The following NELL1 variants were observed in gnomAD, a reference collection of about 807,000 sequenced individuals.
NELL1 encodes the protein protein kinase C-binding protein NELL1.
NELL1 carries 76 observed loss-of-function variants against 107.4 expected under a neutral mutation model. That is an observed-to-expected ratio of 0.71 (90% confidence interval 0.59 to 0.86). The LOEUF is 0.86. Ranked by LOEUF, NELL1 falls within the 40% of genes least tolerant of loss-of-function variation. The pLI, the probability that NELL1 is intolerant of heterozygous loss-of-function variation, is 0.00. For missense variants in NELL1, 1,024 were observed against 1,005.5 expected, an observed-to-expected ratio of 1.02 and a Z score of -0.25; for synonymous variants, 353 against 341.2, an observed-to-expected ratio of 1.03 and a Z score of -0.38.
chr11:21,376,662 T>C (rs1851488499), intron 15 of NELL1, among the ~76,000 whole-genome samples: 1 of 152,148 alleles, frequency 6.6e-6, no homozygotes, highest in Non-Finnish European at 1.5e-5. Flanking sequence ...TTTAATGATA[T>C]TGATTCTTCC....
chr11:21,356,302 A>G (rs1243840818), intron 14 of NELL1, among the ~76,000 whole-genome samples: 17 of 152,302 alleles, frequency 1.1e-4, no homozygotes, highest in Non-Finnish European at 2.2e-4. Flanking sequence ...TGCACAATAT[A>G]TATTTATTGA....
In NELL1 at chr11:21,569,455, T is replaced by TATGATG. The variant is rs147067365; in HGVS notation, c.1981-1276_1981-1271dup. ...GATAAGTATTAAATACATGGTAGAA[T>TATGATG]ATGATGATGATGATGATGATGATGA... On this transcript the variant is annotated intron_variant, in intron 17 of 19. Transcript: ENST00000357134. 7.4e-3 allele frequency among the ~76,000 whole-genome samples: 1,111 copies of TATGATG among 149,764 alleles called. 9 individuals are homozygous for TATGATG. Among genetic ancestry groups the TATGATG allele is most frequent in the African/African-American group, 0.019 (765 of 40,804 alleles).
chr11:20,862,044 A>T lies in NELL1; in HGVS notation c.506+14291A>T, dbSNP rs185691699. 1.1e-4 allele frequency among the ~76,000 whole-genome samples: 16 copies of T among 152,372 alleles called. 1 individual carries two copies. In the East Asian group the frequency reaches 2.9e-3, roughly 28 times the overall value. The stretch of plus-strand genomic sequence containing the variant: ...AAAGCCGTGCCTGGGATGAGTCAGT[A>T]GCTCAGAAGTGACATGCAGGAGGGA... On this transcript the variant is annotated intron_variant, in intron 4 of 19. Transcript: ENST00000357134.
At chr11:21,221,330 G>A (rs1416108056) in intron 13 of NELL1, among the ~76,000 whole-genome samples, 2 of 152,124 alleles carry the variant, frequency 1.3e-5, no homozygotes, top group Non-Finnish European at 2.9e-5. Flanking sequence ...AGGGATATTG[G>A]CCTTTAATTT....
At chr11:20,717,370 C>T (rs7952174) in intron 2 of NELL1, among the ~76,000 whole-genome samples, 21,169 of 152,114 alleles carry the variant, frequency 0.14, 1,554 homozygotes, top group African/African-American at 0.15. Flanking sequence ...TTTTGGTTGC[C>T]TGAATACTCC....
intron 12 of NELL1, among the ~76,000 whole-genome samples, chr11:21,105,877 CT>C (rs2133714395): frequency 4.3e-5 from 1 of 23,234 alleles, no homozygotes; most frequent in African/African-American, 1.8e-4. Context: ...TCCCCTTCCT[CT>C]CTCCTCTCCT....
At chr11:21,233,036 T>A (rs1276240153) in intron 14 of NELL1, among the ~76,000 whole-genome samples, 1 of 152,214 alleles carries the variant, frequency 6.6e-6, no homozygotes, top group Non-Finnish European at 1.5e-5. Flanking sequence ...TAAATCTGGT[T>A]AGAAGTAAAT....
chr11:20,839,275 G>T (rs1848582836), intron 3 of NELL1, among the ~76,000 whole-genome samples: 2 of 152,150 alleles, frequency 1.3e-5, no homozygotes, highest in South Asian at 4.1e-4. Context: ...ATTTAACAGT[G>T]AGTGTTTTAT....
At chr11:20,906,621 A>G (rs1564960560) in intron 5 of NELL1, among the ~76,000 whole-genome samples, 1 of 152,086 alleles carries the variant, frequency 6.6e-6, no homozygotes, top group Non-Finnish European at 1.5e-5. Context: ...ACTGAATCCA[A>G]CAGTGTATTA....
intron 12 of NELL1, among the ~76,000 whole-genome samples, chr11:20,974,242 GTT>G (rs1480998541): frequency 2.6e-5 from 4 of 152,124 alleles, no homozygotes; most frequent in African/African-American, 9.7e-5. Flanking sequence ...TGTTTGATAA[GTT>G]TTTCTTGCTA....
At chr11:20,764,429 C>T (rs1856488522) in intron 2 of NELL1, among the ~76,000 whole-genome samples, 1 of 152,070 alleles carries the variant, frequency 6.6e-6, no homozygotes, top group Non-Finnish European at 1.5e-5. Context: ...CTGGGAGCTA[C>T]ACCAACATGC....
At chr11:20,776,662 A>T (rs1304946465) in intron 2 of NELL1, among the ~76,000 whole-genome samples, 2 of 152,070 alleles carry the variant, frequency 1.3e-5, no homozygotes, top group Non-Finnish European at 2.9e-5. Context: ...GGGAGAGAAG[A>T]CAGGTTGCTG....
At chr11:21,405,402 T>C (rs1852211708) in intron 15 of NELL1, among the ~76,000 whole-genome samples, 1 of 132,094 alleles carries the variant, frequency 7.6e-6, no homozygotes, top group Non-Finnish European at 1.7e-5. Flanking sequence ...TCCAATTTTT[T>C]CTGTTGTGTT....
intron 12 of NELL1, among the ~76,000 whole-genome samples, chr11:21,105,556 C>T (rs948564551): frequency 2.6e-5 from 4 of 152,098 alleles, no homozygotes; most frequent in African/African-American, 7.2e-5. Flanking sequence ...GCCTAGGGCC[C>T]GGATAGCCTT....
At chr11:21,325,025 TCTGA>T (rs1376256214) in intron 14 of NELL1, among the ~76,000 whole-genome samples, 3 of 152,246 alleles carry the variant, frequency 2.0e-5, no homozygotes, top group African/African-American at 7.2e-5. Flanking sequence ...GCAAGTTGAC[TCTGA>T]CTTTCTCCTT....
chr11:21,050,979 A>G (rs1220624532), intron 12 of NELL1, among the ~76,000 whole-genome samples: 1 of 152,168 alleles, frequency 6.6e-6, no homozygotes. Context: ...CAGGAGCCTC[A>G]TATAGACACC....
intron 15 of NELL1, among the ~76,000 whole-genome samples, chr11:21,533,597 C>T (rs1174278426): frequency 6.6e-6 from 1 of 152,158 alleles, no homozygotes; most frequent in East Asian, 1.9e-4. Context: ...AAAATCTATA[C>T]ATGAACCGGG....
intron 12 of NELL1, among the ~76,000 whole-genome samples, chr11:21,109,120 G>T (rs1019625191): frequency 6.6e-6 from 1 of 152,004 alleles, no homozygotes; most frequent in Non-Finnish European, 1.5e-5. Flanking sequence ...CCTCAGTTTC[G>T]TGGCATGGAG....
At chr11:21,146,171 G>A (rs1275092887) in intron 13 of NELL1, among the ~76,000 whole-genome samples, 2 of 151,982 alleles carry the variant, frequency 1.3e-5, no homozygotes, top group Non-Finnish European at 2.9e-5. Flanking sequence ...AGTGTCTGGT[G>A]CACAGAAAGC....
Sources: allele counts gnomAD v4.1 joint callset (sites outside exome capture counted in the v4.1 genomes callset), GRCh38; gene constraint gnomAD v4.1.1; transcripts MANE v1.5; gene names NCBI Gene and HGNC (gene_info 2026-07-23, HGNC 2026-07-21).